Variants in L3HYPDH observed in about 807,000 individuals in gnomAD.
L3HYPDH encodes the protein trans-L-3-hydroxyproline dehydratase.
Under a neutral mutation model 26.5 loss-of-function variants are expected in L3HYPDH, and 32 were observed. That is an observed-to-expected ratio of 1.21 (90% confidence interval 0.91 to 1.62). The LOEUF is 1.62. L3HYPDH is among the 40% of genes most tolerant of loss of function. The pLI, the probability that L3HYPDH is intolerant of heterozygous loss-of-function variation, is 0.00. For synonymous variants in L3HYPDH, 215 were observed against 196.6 expected, an observed-to-expected ratio of 1.09 and a Z score of -0.78; for missense variants, 554 against 476.4, an observed-to-expected ratio of 1.16 and a Z score of -1.52.
At chr14:59,499,535 CAAAAG>C in the L3HYPDH span, among the ~76,000 whole-genome samples, 174 of 152,204 alleles carry the variant, frequency 1.1e-3, no homozygotes, top group African/African-American at 4.0e-3. Flanking sequence ...AACTGTGACT[CAAAAG>C]AATAAGACAA....
At chr14:59,467,583 T>C (rs913873527) in intron 1 of L3HYPDH, among the ~76,000 whole-genome samples, 1 of 152,072 alleles carries the variant, frequency 6.6e-6, no homozygotes, top group African/African-American at 2.4e-5. Flanking sequence ...TGTTCTCAGC[T>C]CCTCTGGACT....
the L3HYPDH span, among the ~76,000 whole-genome samples, chr14:59,502,750 A>ATTT: frequency 2.0e-4 from 1 of 4,908 alleles, no homozygotes; most frequent in African/African-American, 3.5e-4. Flanking sequence ...ATAAAATGAG[A>ATTT]TTTTTTTTTT....
chr14:59,475,825 A>G, intron 4 of L3HYPDH, 44 bp downstream of exon 4: 1 of 1,571,764 alleles, frequency 6.4e-7, no homozygotes. Flanking sequence ...CTCCAGTCTC[A>G]TGAGTGACAC....
At chr14:59,486,283 G>A (rs1323542661), upstream of L3HYPDH, among the ~76,000 whole-genome samples, 2 of 152,206 alleles carry the variant, frequency 1.3e-5, no homozygotes, top group Non-Finnish European at 2.9e-5. Context: ...ATGAACATAG[G>A]TGATAATGAT....
In L3HYPDH at chr14:59,479,320, C is replaced by A. The variant is rs770067663; in HGVS notation, c.540G>T (p.Lys180Asn). The change falls in exon 2 of 5, where the codon AAG becomes AAT. Residue 180 changes from lysine to asparagine, a missense_variant. By Grantham distance (94) the Lys-to-Asn change is moderately conservative (BLOSUM62 0). Coordinates refer to ENST00000247194, the MANE Select transcript of L3HYPDH (RefSeq NM_144581.2). ...DLMVDVPGHG[K>N]VMVDIAYGGA... ...CGCCATATGCAATGTCCACCATCAC[C>A]TTTCCATGTCCAGGAACATCCACCA... The A allele has an allele frequency of 6.2e-7, 1 of 1,612,560 alleles. No individual in the cohort carries two copies.
the L3HYPDH span, among the ~76,000 whole-genome samples, chr14:59,502,632 A>G: frequency 2.6e-5 from 4 of 152,134 alleles, no homozygotes; most frequent in Non-Finnish European, 5.9e-5. Context: ...ATCATCTTTA[A>G]CCAGCATTGA....
At chr14:59,486,923 A>T, upstream of L3HYPDH, 1 of 736,552 alleles carries the variant, frequency 1.4e-6, no homozygotes. Flanking sequence ...ATGGAGGACC[A>T]GGCGCAGTGG....
At chr14:59,474,127 AGT>A (rs1889457706) in intron 4 of L3HYPDH, among the ~76,000 whole-genome samples, 1 of 152,226 alleles carries the variant, frequency 6.6e-6, no homozygotes, top group Non-Finnish European at 1.5e-5. Flanking sequence ...AAGCTGCTGT[AGT>A]GTGACAGGTC....
chr14:59,490,900 G>A, the L3HYPDH span, among the ~76,000 whole-genome samples: 34 of 152,286 alleles, frequency 2.2e-4, no homozygotes, highest in Non-Finnish European at 4.4e-4. Context: ...GAATTCAGAC[G>A]TCAGCTATGT....
the L3HYPDH span, among the ~76,000 whole-genome samples, chr14:59,496,140 A>AACACCT: frequency 6.6e-6 from 1 of 152,162 alleles, no homozygotes; most frequent in Non-Finnish European, 1.5e-5. Flanking sequence ...TCCTGGCCTT[A>AACACCT]AGTGATCTAC....
At chr14:59,495,026 C>T in the L3HYPDH span, 5 of 1,613,136 alleles carry the variant, frequency 3.1e-6, no homozygotes, top group Non-Finnish European at 4.2e-6. Flanking sequence ...AGTTCCAGCG[C>T]ACTTTTCCAA....
At chr14:59,484,616 G>C (rs201085535), upstream of L3HYPDH, 13 of 1,577,996 alleles carry the variant, frequency 8.2e-6, no homozygotes, top group Middle Eastern at 1.7e-4. Context: ...CAAGATCCCG[G>C]GAAGCGTTTC....
intron 2 of L3HYPDH, 77 bp from the exon 3 acceptor site, chr14:59,476,291 CT>C: frequency 9.2e-7 from 1 of 1,089,102 alleles, no homozygotes; most frequent in Non-Finnish European, 1.3e-6. Flanking sequence ...ATGGGTCATT[CT>C]TAGACATAAC....
chr14:59,478,185 C>CATGCA, intron 2 of L3HYPDH, among the ~76,000 whole-genome samples: 1 of 152,168 alleles, frequency 6.6e-6, no homozygotes, highest in Non-Finnish European at 1.5e-5. Context: ...TGACCACACA[C>CATGCA]ATGCATTTAA....
rs1890249185 is a variant in L3HYPDH at position 59,483,803 on chromosome 14, C to G, written c.508+6G>C. The G allele has an allele frequency of 2.5e-6, 4 of 1,592,374 alleles. No homozygotes were observed. The highest frequency in any genetic ancestry group is 3.4e-6 in the Non-Finnish European group (4 of 1,176,824). ...TGCCCTGGGCTGGAAAGGTCCCGCC[C>G]ATTACCTGTGGCCAGCACGAAGGCC... On this transcript the variant is annotated splice_donor_region_variant and intron_variant, in intron 1 of 4. Transcript: ENST00000247194.
chr14:59,467,194 A>T (rs1480306516), intron 1 of L3HYPDH, among the ~76,000 whole-genome samples: 1 of 152,218 alleles, frequency 6.6e-6, no homozygotes, highest in Non-Finnish European at 1.5e-5. Context: ...TTTGTACAAG[A>T]GGTGACATTA....
downstream of L3HYPDH, among the ~76,000 whole-genome samples, chr14:59,469,775 G>C (rs1351520563): frequency 6.6e-6 from 1 of 152,034 alleles, no homozygotes; most frequent in African/African-American, 2.4e-5. Flanking sequence ...CACAGTCTAG[G>C]GGGAAAATGA....
chr14:59,500,694 C>T, the L3HYPDH span, among the ~76,000 whole-genome samples: 1 of 152,068 alleles, frequency 6.6e-6, no homozygotes, highest in East Asian at 1.9e-4. Flanking sequence ...TTTTTGAATT[C>T]TCCTAAATTT....
At position 59,476,111 on chromosome 14, in the gene L3HYPDH, C is replaced by A. The variant is rs921180068; in HGVS notation, c.782G>T (p.Cys261Phe). Residue 261 changes from cysteine to phenylalanine, a missense_variant, in exon 3 of 5, where the codon TGT becomes TTT. By Grantham distance (205) the Cys-to-Phe change is radical. Transcript: ENST00000247194. ...TAATACCTGTTCATCTGCAAAAACA[C>A]AAATGTTGGTGGTTGGTTCCTTGGT... is the stretch of plus-strand genomic sequence containing the variant. The part of the protein sequence containing the change: ...AYTKEPTTNI[C>F]VFADEQVDRS... 8 of 1,613,874 alleles carry A rather than the reference C, an allele frequency of 5.0e-6. No homozygotes were observed. The highest frequency in any genetic ancestry group is 6.8e-6 in the Non-Finnish European group (8 of 1,179,916).
Sources: gnomAD v4.1 joint callset for allele counts (sites outside exome capture counted in the v4.1 genomes callset) on GRCh38, gnomAD v4.1.1 for gene constraint, MANE v1.5 for transcripts, NCBI Gene and HGNC (gene_info 2026-07-23, HGNC 2026-07-21) for gene names.